Variants in FAM83F observed in about 807,000 individuals in gnomAD.
FAM83F encodes the protein protein FAM83F.
FAM83F carries 45 observed loss-of-function variants against 42.9 expected under a neutral mutation model. The observed-to-expected ratio is 1.05, with a 90% CI of 0.83 to 1.35. The LOEUF (loss-of-function observed/expected upper bound fraction) is 1.35. Among genes scored for constraint, FAM83F ranks in the 40% most tolerant of loss-of-function variants. FAM83F has a pLI of 0.00. For missense variants in FAM83F, 617 were observed against 695.9 expected, an observed-to-expected ratio of 0.89 and a Z score of 1.28; for synonymous variants, 306 against 298.3, an observed-to-expected ratio of 1.03 and a Z score of -0.27.
Position 39,995,042 on chromosome 22 carries a change from C to T in FAM83F, c.-1C>T. 7.9e-6 allele frequency: 10 copies of T among 1,266,972 alleles called. No homozygotes were observed. The highest frequency in any genetic ancestry group is 9.9e-6 in the Non-Finnish European group (10 of 1,014,578). 78.5% of individuals were successfully genotyped at this position (1,266,972 alleles called of 1,614,324 possible). On this transcript the variant is annotated 5_prime_UTR_variant, in exon 1 of 5. Transcript: ENST00000333407. The surrounding 1 kb of genome is among the most constrained non-coding windows in gnomAD (Gnocchi z 4.6). ...AGGGCCGGGGCCGGGGCCGGGGCGC[C>T]ATGGCCGAGTCCCAGCTGAACTGCC...
Position 40,021,281 on chromosome 22 carries a change from C to A in FAM83F, c.780-9C>A. On this transcript the variant is annotated splice_polypyrimidine_tract_variant and intron_variant, in intron 3 of 4. Transcript: ENST00000333407. The surrounding 1 kb of genome is among the most constrained non-coding windows in gnomAD (Gnocchi z 8.7). ...CATGTGTCTTGCTTTTCTGTCCCCA[C>A]GTTCCCAGGTTCACCTGGAGTTCCT... The A allele has an allele frequency of 6.5e-7, 1 of 1,529,000 alleles. No homozygotes were observed. The allele number at this position is 1,529,000 out of a possible 1,614,324, so 94.7% of individuals were successfully genotyped here.
intron 4 of FAM83F, among the ~76,000 whole-genome samples, chr22:40,028,885 T>A (rs1011280922): frequency 6.6e-6 from 1 of 152,198 alleles, no homozygotes; most frequent in African/African-American, 2.4e-5. Flanking sequence ...CTAGGCGGCC[T>A]GTGGCGGAAG....
intron 1 of FAM83F, among the ~76,000 whole-genome samples, chr22:40,013,352 A>G (rs1407762544): frequency 2.0e-5 from 3 of 152,182 alleles, no homozygotes; most frequent in Non-Finnish European, 4.4e-5. Flanking sequence ...TCCCAGTTGC[A>G]TCTGCTAAAG....
rs747764116 is a variant in FAM83F at position 40,021,777 on chromosome 22, G to A, written c.1267G>A (p.Gly423Ser). The change falls in exon 4 of 5, where the codon GGC becomes AGC. Residue 423 changes from glycine to serine, a missense_variant. By Grantham distance (56) the Gly-to-Ser change is moderately conservative. Transcript: ENST00000333407. This position sits in a 1 kb window ranked among gnomAD's most constrained non-coding sequence, Gnocchi z 8.7. The part of the protein sequence containing the change: ...PKSREAPSRN[G>S]MGEAARGEAA... ...ATCCCGAGAGGCACCCAGCCGAAAC[G>A]GCATGGGAGAAGCGGCCCGGGGGGA... The A allele has an allele frequency of 1.2e-5, 19 of 1,612,632 alleles. No individual in the cohort carries two copies. The African/African-American group carries it at 1.7e-4, about 15-fold the overall frequency.
rs2067605914 is a variant in FAM83F at position 40,034,038 on chromosome 22, T to C, written c.*4473T>C. 1 of 152,240 alleles carries C rather than the reference T, an allele frequency of 6.6e-6. No homozygotes were observed. Among genetic ancestry groups the C allele is most frequent in the African/African-American group, 2.4e-5 (1 of 41,450 alleles). 9.4% of individuals were successfully genotyped at this position (152,240 alleles called of 1,614,324 possible). A position where few individuals can be genotyped will look rare whatever the true frequency, so the allele number is the denominator to read the frequency against. ...GACAGTACCACTGCACATACCTGTGTGTGCCCAGCGGTGGACCCACCTCCA... is the reference window on the plus strand; with the variant it reads ...GACAGTACCACTGCACATACCTGTGCGTGCCCAGCGGTGGACCCACCTCCA... On this transcript the variant is annotated 3_prime_UTR_variant, in exon 5 of 5. Coordinates refer to ENST00000333407, the MANE Select transcript of FAM83F (RefSeq NM_138435.4).
At chr22:39,998,173 A>T (rs2067380537) in intron 1 of FAM83F, among the ~76,000 whole-genome samples, 1 of 151,958 alleles carries the variant, frequency 6.6e-6, no homozygotes, top group African/African-American at 2.4e-5. Context: ...GCCCTGAGGG[A>T]GGGAGTTTCC....
rs924239965 is a variant in FAM83F, at chr22:40,023,360, GCTGCTGCTC to G, written c.1453+1403_1453+1411del. Among the ~76,000 whole-genome samples, 4 of 135,632 alleles carry G rather than the reference GCTGCTGCTC, an allele frequency of 2.9e-5. No individual in the cohort carries two copies. The highest frequency in any genetic ancestry group is 2.2e-4 in the South Asian group (1 of 4,530). 89.0% of individuals were successfully genotyped at this position (135,632 alleles called of 152,430 possible). On this transcript the variant is annotated intron_variant, in intron 4 of 4. Coordinates refer to ENST00000333407, the MANE Select transcript of FAM83F (RefSeq NM_138435.4). The surrounding 1 kb of genome is among the most constrained non-coding windows in gnomAD (Gnocchi z 4.1). ...TCCCCTAACACCAGCTGCTGCTGCT[GCTGCTGCTC>G]CTGCTCTGTACCTCTGGTTTGGAGG...
At position 40,036,041 on chromosome 22, in the gene FAM83F, T is replaced by A. The variant is rs913752642; in HGVS notation, c.*6476T>A. On this transcript the variant is annotated 3_prime_UTR_variant, in exon 5 of 5. Coordinates refer to ENST00000333407, the MANE Select transcript of FAM83F (RefSeq NM_138435.4). Reference sequence around the variant, plus strand: ...TTTCTTTTTTGCTTTTTTAAGATGATCTTGCTCCGTCACCCAGGCTGGAGT... The same window carrying A: ...TTTCTTTTTTGCTTTTTTAAGATGAACTTGCTCCGTCACCCAGGCTGGAGT... 1 of 152,196 alleles carries A rather than the reference T, an allele frequency of 6.6e-6. No individual in the cohort carries two copies. The allele number at this position is 152,196 out of a possible 1,614,324, so 9.4% of individuals were successfully genotyped here.
intron 1 of FAM83F, among the ~76,000 whole-genome samples, chr22:40,017,579 C>G (rs1880578515): frequency 6.6e-6 from 1 of 152,194 alleles, no homozygotes; most frequent in Admixed American, 6.5e-5. Flanking sequence ...CCTGGGACAA[C>G]CCTTTGAGAT....
At chr22:40,007,593 T>C (rs1408271831) in intron 1 of FAM83F, among the ~76,000 whole-genome samples, 23 of 26,106 alleles carry the variant, frequency 8.8e-4, no homozygotes, top group African/African-American at 2.3e-3. Flanking sequence ...TCCTCCTCTC[T>C]TCTCCTCCTC....
Position 40,019,333 on chromosome 22 carries a change from CG to C in FAM83F, c.657+1del. ...CCTGCAGCTCACTGACTTCCGGATT[CG>C]GGTAAGTTGCACCACTGGGGTGGAA... ...QDLQLTDFRIRNIRVRSVTGV... is the reference protein window; with the variant it reads ...QDLQLTDFRIXNIRVRSVTGV... On this transcript the variant is annotated frameshift_variant and splice_region_variant, in exon 2 of 5. Transcript: ENST00000333407. LOFTEE classifies it high-confidence loss of function. 1 of 1,613,394 alleles carries C rather than the reference CG, an allele frequency of 6.2e-7. No individual in the cohort carries two copies. Among genetic ancestry groups the C allele is most frequent in the Non-Finnish European group, 8.5e-7 (1 of 1,179,504 alleles).
At chr22:40,018,224 G>A (rs745335516) in intron 1 of FAM83F, among the ~76,000 whole-genome samples, 6 of 152,242 alleles carry the variant, frequency 3.9e-5, no homozygotes, top group Non-Finnish European at 8.8e-5. Context: ...GCCTGGATCT[G>A]TGCCTGGGGA....
At chr22:40,012,823 C>T (rs1399361777) in intron 1 of FAM83F, among the ~76,000 whole-genome samples, 1 of 149,656 alleles carries the variant, frequency 6.7e-6, no homozygotes, top group East Asian at 2.0e-4. Flanking sequence ...CCTATAATCC[C>T]AGCACTTTGG....
chr22:39,998,163 G>A (rs1254784132), intron 1 of FAM83F, among the ~76,000 whole-genome samples: 1 of 152,024 alleles, frequency 6.6e-6, no homozygotes, highest in Non-Finnish European at 1.5e-5. Context: ...CTCCCCTTTC[G>A]CCCTGAGGGA....
chr22:40,010,293 G>C lies in FAM83F; in HGVS notation c.490-8875G>C, dbSNP rs59826384. ...CGGTGTGGGGAATCACGTGCTCAGT[G>C]AAAGACCCAAGCGGAGAGACTGGGG... On this transcript the variant is annotated intron_variant, in intron 1 of 4. Coordinates refer to ENST00000333407, the MANE Select transcript of FAM83F (RefSeq NM_138435.4). Among the ~76,000 whole-genome samples the C allele has an allele frequency of 8.5e-3, 1,302 of 152,294 alleles. 18 individuals carry two copies. Among genetic ancestry groups the C allele is most frequent in the African/African-American group, 0.03 (1,249 of 41,546 alleles).
chr22:40,020,583 G>A (rs1247844758), intron 3 of FAM83F, among the ~76,000 whole-genome samples: 1 of 151,906 alleles, frequency 6.6e-6, no homozygotes, highest in African/African-American at 2.4e-5. Flanking sequence ...GGCTGGTCTC[G>A]AACTTTTGAC....
chr22:40,029,040 C>T (rs2067571321), intron 4 of FAM83F, among the ~76,000 whole-genome samples: 1 of 149,214 alleles, frequency 6.7e-6, no homozygotes, highest in Non-Finnish European at 1.5e-5. Context: ...GGCGGTGGAG[C>T]TGCATGTACT....
In FAM83F at chr22:40,033,892, A is replaced by C. The variant is rs367694241; in HGVS notation, c.*4327A>C. ...TGGTTATCTTTCTTAGTTCTTTACC[A>C]CCTTATATTCCCCATGACAGGTGTG... On this transcript the variant is annotated 3_prime_UTR_variant, in exon 5 of 5. Transcript: ENST00000333407. The C allele has an allele frequency of 1.3e-4, 20 of 152,250 alleles. 2 individuals are homozygous for C. Among genetic ancestry groups the C allele is most frequent in the Admixed American group, 1.0e-3 (16 of 15,298 alleles). The allele number at this position is 152,250 out of a possible 1,614,324, so 9.4% of individuals were successfully genotyped here. A position where few individuals can be genotyped will look rare whatever the true frequency, so the allele number is the denominator to read the frequency against.
chr22:40,015,121 T>C (rs1470534258), intron 1 of FAM83F, among the ~76,000 whole-genome samples: 1 of 152,042 alleles, frequency 6.6e-6, no homozygotes, highest in African/African-American at 2.4e-5. Context: ...AGACAGAGAT[T>C]GATTGATTTT....
Sources: gnomAD v4.1 joint callset for allele counts (sites outside exome capture counted in the v4.1 genomes callset) on GRCh38, gnomAD v4.1.1 for gene constraint, Gnocchi (gnomAD v3.1) non-coding constraint, MANE v1.5 for transcripts, NCBI Gene and HGNC (gene_info 2026-07-23, HGNC 2026-07-21) for gene names.